NUP160: variants seen among roughly 807,000 people sequenced by gnomAD.
NUP160 encodes the protein nucleoporin 160, also known as nuclear pore complex protein Nup160.
NUP160 carries 94 observed loss-of-function variants against 196.9 expected under a neutral mutation model. That is an observed-to-expected ratio of 0.48 (90% CI 0.40 to 0.57). The LOEUF (loss-of-function observed/expected upper bound fraction) is 0.57, where lower values mean the gene tolerates loss of function less well. Ranked by LOEUF, NUP160 falls within the 20% of genes least tolerant of loss-of-function variation. The pLI is 0.00. For missense variants in NUP160, 1,638 were observed against 1,748.3 expected, an observed-to-expected ratio of 0.94 and a Z score of 1.13; for synonymous variants, 605 against 619.7, an observed-to-expected ratio of 0.98 and a Z score of 0.35.
At chr11:47,824,008 CATATATATATATATATATAT>C (rs58246222) in intron 7 of NUP160, among the ~76,000 whole-genome samples, 27 of 73,122 alleles carry the variant, frequency 3.7e-4, no homozygotes, top group East Asian at 2.9e-3. Context: ...AATTCTTTTG[CATATATATATATATATATAT>C]ATATATATAT....
At chr11:47,813,588 G>GGGA in intron 13 of NUP160, among the ~76,000 whole-genome samples, 173 bp from the exon 14 acceptor site, 1 of 152,144 alleles carries the variant, frequency 6.6e-6, no homozygotes, top group Non-Finnish European at 1.5e-5. Context: ...CCAGCAGTTT[G>GGGA]GGAGGCTGAG....
intron 21 of NUP160, 194 bp downstream of exon 21, chr11:47,804,355 C>G: frequency 1.9e-6 from 1 of 515,272 alleles, no homozygotes; most frequent in East Asian, 3.6e-5. Context: ...TATTTAGCTT[C>G]GTAGATCAGA....
At chr11:47,831,032 G>A (rs754359349) in intron 7 of NUP160, among the ~76,000 whole-genome samples, 32 of 152,190 alleles carry the variant, frequency 2.1e-4, no homozygotes, top group African/African-American at 3.9e-4. Flanking sequence ...GCATGATGGC[G>A]TGAGCCTGTA....
At chr11:47,823,975 T>C (rs1851912106) in intron 7 of NUP160, among the ~76,000 whole-genome samples, 1 of 146,018 alleles carries the variant, frequency 6.8e-6, no homozygotes, top group Non-Finnish European at 1.5e-5. Context: ...GTTGTACAAA[T>C]ATACCTTTGA....
At chr11:47,782,300 AAAAATAT>A (rs1466299297) in intron 34 of NUP160, among the ~76,000 whole-genome samples, 13 of 42,482 alleles carry the variant, frequency 3.1e-4, no homozygotes, top group East Asian at 2.2e-3. Flanking sequence ...AAAAAAAAAA[AAAAATAT>A]ATATATATAT....
chr11:47,788,144 CA>C, intron 31 of NUP160, 37 bp downstream of exon 31: 1 of 1,550,968 alleles, frequency 6.4e-7, no homozygotes, highest in South Asian at 1.1e-5. Context: ...AATATATTTG[CA>C]TTAGAAAAGA....
At chr11:47,840,456 A>C (rs911617678) in exon 3 of NUP160, 1 of 1,614,198 alleles carries the variant, frequency 6.2e-7, no homozygotes, top group Non-Finnish European at 8.5e-7. Flanking sequence ...TTATCACACG[A>C]TTCTGAGTCT....
intron 2 of NUP160, among the ~76,000 whole-genome samples, chr11:47,846,141 G>GAA (rs577714628): frequency 7.5e-5 from 7 of 93,790 alleles, no homozygotes; most frequent in African/African-American, 1.5e-4. Flanking sequence ...CTCTCAAAAA[G>GAA]AAAAAAAAAA....
At chr11:47,779,624 G>A (rs1358433913) in intron 35 of NUP160, 2 of 507,442 alleles carry the variant, frequency 3.9e-6, no homozygotes, top group Non-Finnish European at 7.8e-6. Context: ...AAACACTATT[G>A]TTTTTTATGT....
At chr11:47,793,722 GTTTTTTT>G (rs750497969) in intron 27 of NUP160, among the ~76,000 whole-genome samples, 13,823 of 87,778 alleles carry the variant, frequency 0.16, 1,692 homozygotes, top group East Asian at 0.25. Context: ...TAAGATATCT[GTTTTTTT>G]TTTTTTTTTT....
At chr11:47,786,721 A>G (rs1233900329) in intron 31 of NUP160, among the ~76,000 whole-genome samples, 167 bp from the exon 32 acceptor site, 1 of 152,214 alleles carries the variant, frequency 6.6e-6, no homozygotes, top group East Asian at 1.9e-4. Context: ...CTGGATACCT[A>G]CAAGAACATG....
At chr11:47,788,699 T>A in intron 29 of NUP160, 88 bp from the exon 30 acceptor site, 1 of 755,244 alleles carries the variant, frequency 1.3e-6, no homozygotes, top group Non-Finnish European at 2.2e-6. Flanking sequence ...CCACTGAACA[T>A]TAAGTAACAT....
At chr11:47,809,964 A>G (rs1168446852) in intron 17 of NUP160, among the ~76,000 whole-genome samples, 2 of 152,012 alleles carry the variant, frequency 1.3e-5, no homozygotes, top group African/African-American at 4.8e-5. Context: ...GAAAATTATA[A>G]ATTTTTTAAA....
At chr11:47,791,250 G>A (rs1019764323) in intron 29 of NUP160, among the ~76,000 whole-genome samples, 5 of 152,062 alleles carry the variant, frequency 3.3e-5, no homozygotes, top group African/African-American at 1.2e-4. Flanking sequence ...TAGACATCAA[G>A]CAGTTCAACT....
intron 10 of NUP160, 87 bp downstream of exon 10, chr11:47,819,287 T>C: frequency 1.1e-6 from 1 of 934,852 alleles, no homozygotes; most frequent in Non-Finnish European, 1.7e-6. Flanking sequence ...TACCCCAGCC[T>C]GGGCCACAGA....
chr11:47,806,331 T>C lies in NUP160; in HGVS notation c.2447-19A>G, dbSNP rs754317167. ...CTAGATACTTAAAAAGAAAAAGTTA[T>C]GACAGTTTTGTGTAGTGGTAATTAT... On this transcript the variant is annotated intron_variant, in intron 19 of 35. Coordinates refer to ENST00000378460, the Ensembl canonical transcript of NUP160. The C allele has an allele frequency of 3.5e-5, 56 of 1,593,130 alleles. 1 individual carries two copies. The South Asian group carries it at 5.3e-4, about 15-fold the overall frequency.
At chr11:47,823,974 A>G (rs1851912061) in intron 7 of NUP160, among the ~76,000 whole-genome samples, 1 of 146,484 alleles carries the variant, frequency 6.8e-6, no homozygotes, top group Non-Finnish European at 1.5e-5. Context: ...GGTTGTACAA[A>G]TATACCTTTG....
At chr11:47,821,027 T>C (rs1177933335) in intron 9 of NUP160, among the ~76,000 whole-genome samples, 2 of 152,142 alleles carry the variant, frequency 1.3e-5, no homozygotes, top group African/African-American at 4.8e-5. Flanking sequence ...GTCCAATCTA[T>C]TTCTCATCTC....
intron 7 of NUP160, 46 bp from the exon 8 acceptor site, chr11:47,822,210 T>C (rs764595389): frequency 3.7e-6 from 5 of 1,369,030 alleles, no homozygotes; most frequent in South Asian, 2.4e-5. Flanking sequence ...ATAATCAACA[T>C]GTTACTTTTC....
Sources: gnomAD v4.1 joint callset for allele counts (sites outside exome capture counted in the v4.1 genomes callset) on GRCh38, gnomAD v4.1.1 for gene constraint, MANE v1.5 for transcripts, NCBI Gene and HGNC (gene_info 2026-07-23, HGNC 2026-07-21) for gene names.